Variants in KCNMA1 observed in about 807,000 individuals in gnomAD.
KCNMA1 encodes potassium calcium-activated channel subfamily M alpha 1, also known as Calcium-activated potassium channel subunit alpha-1.
Under a neutral mutation model 140.0 loss-of-function variants are expected in KCNMA1, and 29 were observed. That is an observed-to-expected ratio of 0.21 (90% CI 0.15 to 0.28). KCNMA1 has a LOEUF of 0.28. Among genes scored for constraint, KCNMA1 ranks in the 10% least tolerant of loss-of-function variants. KCNMA1 has a pLI of 1.00. For missense variants in KCNMA1, 880 were observed against 1,602.2 expected, an observed-to-expected ratio of 0.55 and a Z score of 7.70; for synonymous variants, 612 against 611.9, an observed-to-expected ratio of 1.00 and a Z score of 0.00.
At chr10:77,333,292 A>C (rs2154367767) in intron 2 of KCNMA1, among the ~76,000 whole-genome samples, 1 of 150,524 alleles carries the variant, frequency 6.6e-6, no homozygotes, top group Admixed American at 6.6e-5. Flanking sequence ...GTACTTTGGG[A>C]GGATTGAACC....
Position 76,889,565 on chromosome 10 carries a change from C to T in KCNMA1, c.3347G>A (p.Gly1116Asp), listed in dbSNP as rs2038955772. 6.2e-7 allele frequency: 1 copy of T among 1,607,654 alleles called. No individual in the cohort carries two copies. The highest frequency in any genetic ancestry group is 8.5e-7 in the Non-Finnish European group (1 of 1,174,122). ...LDGPFADLGDGGCYGDLFCKA... is the reference protein window; with the variant it reads ...LDGPFADLGDDGCYGDLFCKA... ...GCAGAACAGATCACCATAACAACCA[C>T]CATCCTGGGAGACAGCAAAAGAACA... The change falls in exon 27 of 28, where the codon GGT becomes GAT. Residue 1116 changes from glycine to aspartate, a missense_variant. By Grantham distance (94) the Gly-to-Asp change is moderately conservative. Around this residue, in one of 13 missense-constraint regions of KCNMA1, gnomAD observed 5 missense variants for 28.2 expected, o/e 0.18. Coordinates refer to ENST00000286628, the MANE Select transcript of KCNMA1 (RefSeq NM_001161352.2).
intron 16 of KCNMA1, chr10:77,020,358 C>T (rs2092692778): frequency 6.6e-6 from 1 of 152,152 alleles, no homozygotes; most frequent in African/African-American, 2.4e-5. Context: ...GACCTCCGAG[C>T]AGATCATTAT....
intron 1 of KCNMA1, among the ~76,000 whole-genome samples, chr10:77,494,850 G>C (rs1050352955): frequency 6.6e-6 from 1 of 152,196 alleles, no homozygotes; most frequent in African/African-American, 2.4e-5. Flanking sequence ...ATGTGTTCCA[G>C]GCCTCTCTCC....
At chr10:77,197,016 G>A (rs997808847) in intron 3 of KCNMA1, among the ~76,000 whole-genome samples, 2 of 151,928 alleles carry the variant, frequency 1.3e-5, no homozygotes, top group African/African-American at 4.8e-5. Flanking sequence ...TAAGTCATTA[G>A]ACAGCCCTAA....
chr10:77,353,803 T>C lies in KCNMA1; in HGVS notation c.540+50059A>G, dbSNP rs2093169263. Among the ~76,000 whole-genome samples, 8 of 152,226 alleles carry C rather than the reference T, an allele frequency of 5.3e-5. No homozygotes were observed. The South Asian group carries it at 1.7e-3, about 32-fold the overall frequency. ...AAACATAAGAACGCAATTACCTGAA[T>C]GACAGATTAGAACTCAGGGATTATT... On this transcript the variant is annotated intron_variant, in intron 2 of 27. Coordinates refer to ENST00000286628, the MANE Select transcript of KCNMA1 (RefSeq NM_001161352.2).
At chr10:77,485,990 C>A (rs2098455646) in intron 1 of KCNMA1, among the ~76,000 whole-genome samples, 1 of 152,062 alleles carries the variant, frequency 6.6e-6, no homozygotes, top group Admixed American at 6.5e-5. Context: ...TCAGCCCTAC[C>A]CTGACCTCTG....
At chr10:77,257,133 A>G (rs1024827146) in intron 2 of KCNMA1, among the ~76,000 whole-genome samples, 1 of 152,190 alleles carries the variant, frequency 6.6e-6, no homozygotes, top group Non-Finnish European at 1.5e-5. Flanking sequence ...AGAAAAAAAT[A>G]GATGTGAGAA....
At chr10:77,298,686 CA>C (rs1420786650) in intron 2 of KCNMA1, among the ~76,000 whole-genome samples, 1 of 152,156 alleles carries the variant, frequency 6.6e-6, no homozygotes, top group South Asian at 2.1e-4. Flanking sequence ...GGTGACCTCC[CA>C]AAGGTCCCCT....
chr10:77,420,763 GGCC>G lies in KCNMA1; in HGVS notation c.379-16743_379-16741del, dbSNP rs768103122. Among the ~76,000 whole-genome samples the G allele has an allele frequency of 3.4e-4, 52 of 152,206 alleles. No homozygotes were observed. The East Asian group carries it at 4.4e-3, about 13-fold the overall frequency. ...CTTTAGGTTGTCAGAGAACACAAAG[GGCC>G]TGGCAGGAGGGAGGCCAAGCATCAC... On this transcript the variant is annotated intron_variant, in intron 1 of 27. Coordinates refer to ENST00000286628, the MANE Select transcript of KCNMA1 (RefSeq NM_001161352.2).
At chr10:77,224,570 A>G (rs991183454) in intron 3 of KCNMA1, among the ~76,000 whole-genome samples, 1 of 152,136 alleles carries the variant, frequency 6.6e-6, no homozygotes, top group South Asian at 2.1e-4. Flanking sequence ...ACACCTTGGG[A>G]ACACTCAGGA....
chr10:77,365,861 C>T (rs1358456574), intron 2 of KCNMA1, among the ~76,000 whole-genome samples: 1 of 152,164 alleles, frequency 6.6e-6, no homozygotes, highest in East Asian at 1.9e-4. Context: ...CTTGATCCTT[C>T]ACTAACAAGT....
chr10:76,986,166 G>T (rs1457657695), intron 19 of KCNMA1, among the ~76,000 whole-genome samples: 1 of 152,172 alleles, frequency 6.6e-6, no homozygotes, highest in South Asian at 2.1e-4. Context: ...CCATTCAGCT[G>T]ATGGGAAGCC....
chr10:77,229,336 C>CAAAA (rs146613662), intron 3 of KCNMA1, among the ~76,000 whole-genome samples: 1 of 123,764 alleles, frequency 8.1e-6, no homozygotes, highest in Non-Finnish European at 1.7e-5. Context: ...AAGCCCATGG[C>CAAAA]AAAAAAAAAA....
chr10:76,894,281 G>A (rs2041544960), intron 25 of KCNMA1, among the ~76,000 whole-genome samples: 2 of 152,150 alleles, frequency 1.3e-5, no homozygotes, highest in Admixed American at 1.3e-4. Flanking sequence ...TCCACAGGCA[G>A]AAGAATAAAG....
intron 3 of KCNMA1, among the ~76,000 whole-genome samples, chr10:77,241,488 A>ATT (rs11400203): frequency 0.012 from 1,889 of 151,174 alleles, 43 homozygotes; most frequent in African/African-American, 0.039. Flanking sequence ...CTCTACAATA[A>ATT]TTTTTTTTAA....
At chr10:77,568,015 T>C (rs970423689) in intron 1 of KCNMA1, among the ~76,000 whole-genome samples, 10 of 152,124 alleles carry the variant, frequency 6.6e-5, no homozygotes, top group Non-Finnish European at 1.2e-4. Flanking sequence ...ACACATACAC[T>C]CTCCCAAGAC....
chr10:77,347,543 C>T (rs1423771429), intron 2 of KCNMA1, among the ~76,000 whole-genome samples: 1 of 152,140 alleles, frequency 6.6e-6, no homozygotes, highest in Non-Finnish European at 1.5e-5. Context: ...AGGCTTGCAG[C>T]CAGAGGCCAG....
intron 1 of KCNMA1, among the ~76,000 whole-genome samples, chr10:77,592,319 A>G (rs190110378): frequency 5.3e-5 from 8 of 152,314 alleles, no homozygotes; most frequent in Non-Finnish European, 1.2e-4. Context: ...CATGGTGGGT[A>G]CATGCAATGT....
intron 1 of KCNMA1, among the ~76,000 whole-genome samples, chr10:77,502,752 C>T (rs1165976002): frequency 1.3e-5 from 2 of 152,144 alleles, no homozygotes; most frequent in Non-Finnish European, 2.9e-5. Flanking sequence ...AATTTTCCCA[C>T]CTGGAAAAGG....
Sources: allele counts gnomAD v4.1 joint callset (sites outside exome capture counted in the v4.1 genomes callset), GRCh38; gene constraint gnomAD v4.1.1; regional missense constraint gnomAD v4.1.1; transcripts MANE v1.5; gene names NCBI Gene and HGNC (gene_info 2026-07-23, HGNC 2026-07-21).